ASMT: variants seen among roughly 807,000 people sequenced by gnomAD.
The protein encoded by ASMT is acetylserotonin N-methyltransferase.
In ASMT, 53 loss-of-function variants were observed where a neutral mutation model predicts 41.3. The ratio of observed to expected loss-of-function variants is 1.28; its 90% CI spans 1.03 to 1.61. The LOEUF is 1.61. Ranked by LOEUF, ASMT falls within the 40% of genes most tolerant of loss-of-function variation. The probability of loss-of-function intolerance (pLI) is 0.00; values close to 1 mark genes in which losing one functional copy is unlikely to be tolerated. For synonymous variants in ASMT, 231 were observed against 184.8 expected, an observed-to-expected ratio of 1.25 and a Z score of -2.03; for missense variants, 531 against 441.3, an observed-to-expected ratio of 1.20 and a Z score of -1.82.
intron 1 of ASMT, among the ~76,000 whole-genome samples, chrX:1,616,603 G>C (rs1361999022): frequency 6.6e-6 from 1 of 151,458 alleles, no homozygotes; most frequent in African/African-American, 2.4e-5. Context: ...GGGCTCAGCG[G>C]TGACACCTGT....
intron 2 of ASMT, 125 bp from the exon 3 acceptor site, chrX:1,624,144 C>A: frequency 7.7e-7 from 1 of 1,306,528 alleles, no homozygotes; most frequent in Non-Finnish European, 1.1e-6. Flanking sequence ...AGGAAGACCC[C>A]ATCTCTAAAG....
intron 1 of ASMT, among the ~76,000 whole-genome samples, chrX:1,622,117 C>T (rs750491176): frequency 2.0e-5 from 3 of 152,142 alleles, no homozygotes; most frequent in East Asian, 3.9e-4. Context: ...CTCAGCCTCC[C>T]GAGTAGCTGG....
intron 8 of ASMT, among the ~76,000 whole-genome samples, chrX:1,640,501 G>T (rs1270249551): frequency 1.3e-4 from 7 of 55,748 alleles, no homozygotes; most frequent in African/African-American, 2.7e-4. Context: ...CACCCATCCT[G>T]ATGCTTCATG....
intron 6 of ASMT, 95 bp downstream of exon 6, chrX:1,632,882 G>T: frequency 3.6e-6 from 2 of 555,636 alleles, no homozygotes; most frequent in Non-Finnish European, 6.5e-6. Context: ...GCTGGGGGAG[G>T]GAGAGCACTA....
chrX:1,631,084 G>GT (rs11330880), intron 5 of ASMT, among the ~76,000 whole-genome samples: 113 of 144,428 alleles, frequency 7.8e-4, no homozygotes, highest in African/African-American at 2.2e-3. Context: ...CTAATTTTTT[G>GT]TTTTTTTTTT....
At chrX:1,633,649 T>TTTTC (rs1934857551) in intron 7 of ASMT, among the ~76,000 whole-genome samples, 1 of 149,822 alleles carries the variant, frequency 6.7e-6, no homozygotes, top group Admixed American at 6.7e-5. Flanking sequence ...CTAATTTTTT[T>TTTTC]TTTTTTTTGA....
intron 3 of ASMT, among the ~76,000 whole-genome samples, chrX:1,625,008 G>GA (rs1934476984): frequency 6.6e-6 from 1 of 152,196 alleles, no homozygotes; most frequent in African/African-American, 2.4e-5. Context: ...CATCCAGGCA[G>GA]TGACCAAGTC....
In ASMT at chrX:1,615,280, T is replaced by C. The variant is rs761503046; in HGVS notation, c.69+12T>C. 5.5e-5 allele frequency: 87 copies of C among 1,585,138 alleles called. No individual in the cohort carries two copies. Among genetic ancestry groups the C allele is most frequent in the Non-Finnish European group, 7.5e-5 (87 of 1,165,322 alleles). Reference sequence around the variant, plus strand: ...TCATGGTGTCCCAGGTAGGATACGCTCTGTGGGACAAGGGGGAATAGACTT... The same window carrying C: ...TCATGGTGTCCCAGGTAGGATACGCCCTGTGGGACAAGGGGGAATAGACTT... On this transcript the variant is annotated intron_variant, in intron 1 of 8. Coordinates refer to ENST00000381241, the MANE Select transcript of ASMT (RefSeq NM_001171038.2).
At chrX:1,632,152 G>T (rs1934799951) in intron 5 of ASMT, among the ~76,000 whole-genome samples, 1 of 152,170 alleles carries the variant, frequency 6.6e-6, no homozygotes, top group Non-Finnish European at 1.5e-5. Context: ...ACTTACCGGG[G>T]CCTCTGAATG....
rs1444864238 is a variant in ASMT, at chrX:1,624,327, A to G, written c.303A>G (p.Ser101=). 2.5e-6 allele frequency: 4 copies of G among 1,613,854 alleles called. No individual in the cohort carries two copies. Among genetic ancestry groups the G allele is most frequent in the Non-Finnish European group, 8.5e-7 (1 of 1,179,872 alleles). The part of the protein sequence containing the change: ...SDYLTTVSPT[S]QCSMLKYMGR... ...ACCTGACCACGGTCAGCCCGACGTC[A>G]CAATGCAGCATGCTGAAGTACATGG... Residue 101 remains serine, a synonymous_variant, in exon 3 of 9, where the codon TCA becomes TCG. Coordinates refer to ENST00000381241, the MANE Select transcript of ASMT (RefSeq NM_001171038.2).
chrX:1,615,634 C>G (rs1256304979), intron 1 of ASMT, among the ~76,000 whole-genome samples: 4 of 151,946 alleles, frequency 2.6e-5, no homozygotes, highest in African/African-American at 7.2e-5. Flanking sequence ...GAAACCCCAT[C>G]TCTACTAAAA....
chrX:1,636,389 A>G lies in ASMT; in HGVS notation c.788-49A>G, dbSNP rs1270130345. 1.9e-6 allele frequency: 3 copies of G among 1,613,790 alleles called. No homozygotes were observed. The Admixed American group carries it at 5.0e-5, about 27-fold the overall frequency. On this transcript the variant is annotated intron_variant, in intron 7 of 8. Coordinates refer to ENST00000381241, the MANE Select transcript of ASMT (RefSeq NM_001171038.2). Reference sequence around the variant, plus strand: ...TTGTGCCCAGAATAGGTTTAGTCAAATGGGATTGGATTGCAGGCTGACCTC... The same window carrying G: ...TTGTGCCCAGAATAGGTTTAGTCAAGTGGGATTGGATTGCAGGCTGACCTC...
chrX:1,633,778 A>G (rs1934862605), intron 7 of ASMT, among the ~76,000 whole-genome samples: 2 of 151,960 alleles, frequency 1.3e-5, no homozygotes, highest in African/African-American at 4.8e-5. Context: ...AGCTGGGACT[A>G]CAGGCACCCA....
intron 7 of ASMT, chrX:1,636,185 C>T: frequency 1.9e-6 from 1 of 532,254 alleles, no homozygotes; most frequent in Non-Finnish European, 3.5e-6. Flanking sequence ...TCTTGATCTC[C>T]TGACCTCGTG....
chrX:1,641,722 A>G (rs1489736643), intron 8 of ASMT, among the ~76,000 whole-genome samples: 1 of 146,334 alleles, frequency 6.8e-6, no homozygotes, highest in East Asian at 2.1e-4. Flanking sequence ...TTCTCCTGTG[A>G]GGTCCACCCA....
chrX:1,627,340 G>A (rs778708325), intron 3 of ASMT, among the ~76,000 whole-genome samples: 140 of 144,518 alleles, frequency 9.7e-4, no homozygotes, highest in African/African-American at 3.5e-3. Flanking sequence ...AATAAAATAA[G>A]GCCAGGTGTG....
At chrX:1,636,015 G>A (rs1268965416) in intron 7 of ASMT, among the ~76,000 whole-genome samples, 1 of 149,700 alleles carries the variant, frequency 6.7e-6, no homozygotes, top group African/African-American at 2.5e-5. Context: ...GAGTGCAATG[G>A]TGCAATCTCG....
intron 4 of ASMT, chrX:1,628,100 C>A (rs1364098465): frequency 5.2e-6 from 2 of 387,096 alleles, no homozygotes; most frequent in Non-Finnish European, 9.5e-6. Flanking sequence ...GCAGGTGGAT[C>A]ACCTGAGGTC....
At chrX:1,641,327 GAT>G (rs1935146436) in intron 8 of ASMT, among the ~76,000 whole-genome samples, 1 of 73,548 alleles carries the variant, frequency 1.4e-5, no homozygotes, top group Non-Finnish European at 2.9e-5. Flanking sequence ...CCATCCTGAT[GAT>G]CCATTAGGAT....
Sources: allele counts gnomAD v4.1 joint callset (sites outside exome capture counted in the v4.1 genomes callset), GRCh38; gene constraint gnomAD v4.1.1; transcripts MANE v1.5; gene names NCBI Gene and HGNC (gene_info 2026-07-23, HGNC 2026-07-21).